The following FAM53B variants were observed in gnomAD, a reference collection of about 807,000 sequenced individuals.
The protein encoded by FAM53B is family with sequence similarity 53 member B.
FAM53B carries 12 observed loss-of-function variants against 32.7 expected under a neutral mutation model. The observed-to-expected ratio is 0.37, with a 90% confidence interval of 0.24 to 0.59. The LOEUF (loss-of-function observed/expected upper bound fraction) is 0.59. Among genes scored for constraint, FAM53B ranks in the 20% least tolerant of loss-of-function variants. The probability of loss-of-function intolerance (pLI) is 0.72; values close to 1 mark genes in which losing one functional copy is unlikely to be tolerated. For synonymous variants in FAM53B, 234 were observed against 228.7 expected (o/e 1.02, Z -0.21); for missense variants, 477 against 577.7 (o/e 0.83, Z 1.79).
Position 124,623,191 on chromosome 10 carries a change from T to C in FAM53B, c.*51A>G. On this transcript the variant is annotated 3_prime_UTR_variant, in exon 5 of 5. Coordinates refer to ENST00000337318, the MANE Select transcript of FAM53B (RefSeq NM_014661.4). ...TCAAGGGCCCACCTAGTGCCCAGAG[T>C]GGGGGCTGTCGATGCCAGCACACCC... The C allele has an allele frequency of 6.6e-7, 1 of 1,523,706 alleles. No homozygotes were observed. The allele number at this position is 1,523,706 out of a possible 1,614,324, so 94.4% of individuals were successfully genotyped here. A position where few individuals can be genotyped will look rare whatever the true frequency, so the allele number is the denominator to read the frequency against.
chr10:124,648,337 T>C lies in FAM53B; in HGVS notation c.907-24733A>G, dbSNP rs1310558104. ...TGGGCAGTGGGTGCCTCCAGCCCAG[T>C]GTGCCTGGTGCCCACGAGCCTGCAG... On this transcript the variant is annotated intron_variant, in intron 4 of 4. Transcript: ENST00000337318. Among the ~76,000 whole-genome samples, 5 of 152,316 alleles carry C rather than the reference T, an allele frequency of 3.3e-5. No individual in the cohort carries two copies. The East Asian group carries it at 7.7e-4, about 24-fold the overall frequency.
rs1343694310 is a variant in FAM53B at position 124,733,136 on chromosome 10, C to T, written c.-175+10877G>A. 2.6e-5 allele frequency among the ~76,000 whole-genome samples: 4 copies of T among 152,172 alleles called. No homozygotes were observed. The highest frequency in any genetic ancestry group is 5.9e-5 in the Non-Finnish European group (4 of 68,044). On this transcript the variant is annotated intron_variant, in intron 1 of 4. Transcript: ENST00000337318. This position sits in a 1 kb window ranked among gnomAD's most constrained non-coding sequence, Gnocchi z 4.3. Reference sequence around the variant, plus strand: ...GGCTAACTTACTCACTTTCTTCTTCCCTTAGGAGTAAATGCAGATGAGCAA... The same window carrying T: ...GGCTAACTTACTCACTTTCTTCTTCTCTTAGGAGTAAATGCAGATGAGCAA...
At chr10:124,696,008 G>A (rs979090239) in intron 3 of FAM53B, 150 bp downstream of exon 3, 10 of 672,498 alleles carry the variant, frequency 1.5e-5, no homozygotes, top group African/African-American at 1.1e-4. Context: ...CACCGTAGGG[G>A]ACCAAAATAG....
intron 4 of FAM53B, among the ~76,000 whole-genome samples, chr10:124,625,683 T>C (rs1949343461): frequency 6.6e-6 from 1 of 152,212 alleles, no homozygotes. Flanking sequence ...GGAGGGTCTC[T>C]GAGGCTCCTC....
intron 4 of FAM53B, among the ~76,000 whole-genome samples, chr10:124,638,262 C>T (rs968126583): frequency 6.6e-6 from 1 of 151,932 alleles, no homozygotes; most frequent in Non-Finnish European, 1.5e-5. Context: ...CCCAGCTACT[C>T]GGGAGGCTGA....
At chr10:124,661,075 A>C (rs985777772) in intron 4 of FAM53B, among the ~76,000 whole-genome samples, 9 of 132,394 alleles carry the variant, frequency 6.8e-5, no homozygotes, top group Non-Finnish European at 8.7e-5. Context: ...AAAAAAAAAA[A>C]AACAGGCAAT....
intron 4 of FAM53B, among the ~76,000 whole-genome samples, chr10:124,676,024 A>C (rs1364910579): frequency 6.6e-6 from 1 of 152,240 alleles, no homozygotes; most frequent in Non-Finnish European, 1.5e-5. Flanking sequence ...GTCTGTCAAG[A>C]GCACGGAAGG....
chr10:124,677,978 C>G (rs191509186), intron 4 of FAM53B, among the ~76,000 whole-genome samples: 2 of 152,348 alleles, frequency 1.3e-5, no homozygotes, highest in African/African-American at 4.8e-5. Flanking sequence ...ACAGGCTGAG[C>G]TGAGCTGCAG....
chr10:124,673,908 G>C (rs1257255943), intron 4 of FAM53B, among the ~76,000 whole-genome samples: 1 of 152,236 alleles, frequency 6.6e-6, no homozygotes, highest in East Asian at 1.9e-4. Context: ...CTGGGCAGAT[G>C]CATGCATGGT....
At chr10:124,641,204 C>G (rs563298014) in intron 4 of FAM53B, among the ~76,000 whole-genome samples, 3 of 152,216 alleles carry the variant, frequency 2.0e-5, no homozygotes, top group Non-Finnish European at 4.4e-5. Context: ...ACACGTCACA[C>G]ACATACCTCT....
At chr10:124,662,495 CAT>C in intron 4 of FAM53B, among the ~76,000 whole-genome samples, 1 of 74,462 alleles carries the variant, frequency 1.3e-5, no homozygotes, top group Non-Finnish European at 2.6e-5. Flanking sequence ...TCCATCCATC[CAT>C]CCATCCATCC....
intron 4 of FAM53B, among the ~76,000 whole-genome samples, chr10:124,658,755 G>A (rs1038309900): frequency 3.9e-5 from 6 of 152,146 alleles, no homozygotes; most frequent in African/African-American, 7.2e-5. Context: ...TGAGCTAAAG[G>A]GCCACAGCCT....
intron 1 of FAM53B, among the ~76,000 whole-genome samples, chr10:124,708,202 T>A (rs992718234): frequency 1.3e-5 from 2 of 152,262 alleles, no homozygotes; most frequent in African/African-American, 4.8e-5. Flanking sequence ...TAGAATCTGC[T>A]GCTCTGTGTA....
At chr10:124,623,691 C>A (rs1354240337) in intron 4 of FAM53B, 87 bp from the exon 5 acceptor site, 1 of 1,444,888 alleles carries the variant, frequency 6.9e-7, no homozygotes, top group South Asian at 1.4e-5. Flanking sequence ...AACTAGACCA[C>A]CAGGCTGTGG....
intron 4 of FAM53B, among the ~76,000 whole-genome samples, chr10:124,631,031 G>A (rs748129): frequency 0.33 from 50,180 of 152,132 alleles, 9,281 homozygotes; most frequent in Non-Finnish European, 0.42. Context: ...CCAGAGCCAG[G>A]TATGCTGTGT....
intron 1 of FAM53B, among the ~76,000 whole-genome samples, chr10:124,718,496 G>C (rs879237036): frequency 2.0e-5 from 3 of 152,236 alleles, no homozygotes; most frequent in Admixed American, 2.0e-4. Flanking sequence ...TAAGCTGCCA[G>C]GCGGGTCTGT....
intron 2 of FAM53B, among the ~76,000 whole-genome samples, chr10:124,705,188 T>A (rs1215703913): frequency 6.6e-6 from 1 of 152,084 alleles, no homozygotes; most frequent in African/African-American, 2.4e-5. Context: ...CAGTGTCACA[T>A]CTGGTAAGGG....
chr10:124,647,164 C>A (rs1487757386), intron 4 of FAM53B, among the ~76,000 whole-genome samples: 2 of 152,176 alleles, frequency 1.3e-5, no homozygotes, highest in Non-Finnish European at 2.9e-5. Context: ...GGGCACTCTG[C>A]CAAGCACGTG....
chr10:124,717,859 C>T (rs1026286823), intron 1 of FAM53B, among the ~76,000 whole-genome samples: 1 of 152,174 alleles, frequency 6.6e-6, no homozygotes, highest in Non-Finnish European at 1.5e-5. Flanking sequence ...GGACAAGAAT[C>T]TCCTTTTCCT....
Sources: gnomAD v4.1 joint callset for allele counts (sites outside exome capture counted in the v4.1 genomes callset) on GRCh38, gnomAD v4.1.1 for gene constraint, Gnocchi (gnomAD v3.1) non-coding constraint, MANE v1.5 for transcripts, NCBI Gene and HGNC (gene_info 2026-07-23, HGNC 2026-07-21) for gene names.